The following SPATA13 variants were observed in gnomAD, a reference collection of about 807,000 sequenced individuals.
The protein encoded by SPATA13 is spermatogenesis associated 13, also known as spermatogenesis-associated protein 13.
In SPATA13, 50 loss-of-function variants were observed where a neutral mutation model predicts 104.0. The observed-to-expected ratio is 0.48, with a 90% CI of 0.38 to 0.61. SPATA13 has a LOEUF of 0.61. Ranked by LOEUF, SPATA13 falls within the 20% of genes least tolerant of loss-of-function variation. The pLI, the probability that SPATA13 is intolerant of heterozygous loss-of-function variation, is 0.00. For missense variants in SPATA13, 1,524 were observed against 1,690.6 expected, an observed-to-expected ratio of 0.90 and a Z score of 1.73; for synonymous variants, 606 against 667.5, an observed-to-expected ratio of 0.91 and a Z score of 1.42.
chr13:24,278,806 T>A (rs1163212370), intron 4 of SPATA13: 1 of 1,599,368 alleles, frequency 6.3e-7, no homozygotes, highest in African/African-American at 1.4e-5. Flanking sequence ...AAAATGTGCA[T>A]CGCTATCATT....
At chr13:24,056,813 G>A (rs189115380) in intron 3 of SPATA13, among the ~76,000 whole-genome samples, 8 of 152,208 alleles carry the variant, frequency 5.3e-5, no homozygotes, top group African/African-American at 1.4e-4. Flanking sequence ...CAAGCTGATC[G>A]GGCCACAGGT....
In SPATA13 at chr13:24,243,850, C is replaced by A. The variant is rs149794439; in HGVS notation, c.1654-5627C>A. The stretch of plus-strand genomic sequence containing the variant: ...GGGGTTAGCTTATTGTATTTATATA[C>A]ATCTTCAAAAAACTTTTGGTATGCC... On this transcript the variant is annotated intron_variant, in intron 2 of 12. Coordinates refer to ENST00000382108, the MANE Select transcript of SPATA13 (RefSeq NM_001166271.3). 3.3e-3 allele frequency among the ~76,000 whole-genome samples: 500 copies of A among 152,278 alleles called. 3 individuals carry two copies. The highest frequency in any genetic ancestry group is 5.5e-3 in the Non-Finnish European group (376 of 68,006).
chr13:24,108,668 G>A (rs1478884838), intron 3 of SPATA13, among the ~76,000 whole-genome samples: 1 of 152,138 alleles, frequency 6.6e-6, no homozygotes, highest in Non-Finnish European at 1.5e-5. Context: ...GTAGGGGGGG[G>A]GAAGCCTGAT....
At position 24,278,545 on chromosome 13, in the gene SPATA13, T is replaced by C. The variant is rs183273627; in HGVS notation, c.2165-5590T>C. 16 of 1,136,396 alleles carry C rather than the reference T, an allele frequency of 1.4e-5. No individual in the cohort carries two copies. The African/African-American group carries it at 2.3e-4, about 16-fold the overall frequency. 70.4% of individuals were successfully genotyped at this position (1,136,396 alleles called of 1,614,324 possible). A position where few individuals can be genotyped will look rare whatever the true frequency, so the allele number is the denominator to read the frequency against. The stretch of plus-strand genomic sequence containing the variant: ...CTCCTGCCTCAGTCTTCCAAAGTGC[T>C]GGGATTACAAGCATGAGCTACCACG... On this transcript the variant is annotated intron_variant, in intron 4 of 12. Transcript: ENST00000382108.
At chr13:24,092,641 A>T (rs1042047601) in intron 3 of SPATA13, among the ~76,000 whole-genome samples, 4 of 152,228 alleles carry the variant, frequency 2.6e-5, no homozygotes, top group African/African-American at 7.2e-5. Flanking sequence ...TCTATACAAG[A>T]GAATATTTTC....
intron 3 of SPATA13, among the ~76,000 whole-genome samples, chr13:24,149,363 G>A (rs771531106): frequency 5.3e-5 from 8 of 152,200 alleles, no homozygotes; most frequent in Non-Finnish European, 1.0e-4. Context: ...ATGTGAGATC[G>A]TGGGGGTGAA....
At chr13:24,278,648 C>G (rs1875196293) in intron 4 of SPATA13, 1 of 1,492,506 alleles carries the variant, frequency 6.7e-7, no homozygotes, top group Non-Finnish European at 8.9e-7. Flanking sequence ...ACTTGAGGCT[C>G]AAAGCACACC....
At chr13:24,204,514 T>C (rs886649251) in intron 1 of SPATA13, among the ~76,000 whole-genome samples, 2 of 152,208 alleles carry the variant, frequency 1.3e-5, no homozygotes, top group African/African-American at 2.4e-5. Flanking sequence ...GATATTAATA[T>C]GGTTGTGCAA....
intron 1 of SPATA13, among the ~76,000 whole-genome samples, chr13:24,182,196 G>A (rs1216463972): frequency 6.6e-6 from 1 of 152,190 alleles, no homozygotes; most frequent in Non-Finnish European, 1.5e-5. Flanking sequence ...CTGAGGCTTA[G>A]AAGCAGGAAA....
chr13:24,203,350 A>G (rs1870530872), intron 1 of SPATA13, among the ~76,000 whole-genome samples: 1 of 152,180 alleles, frequency 6.6e-6, no homozygotes. Flanking sequence ...GGGAAGAAAT[A>G]CTGATAATAT....
At chr13:24,027,803 AC>A (rs2137710720) in intron 3 of SPATA13, among the ~76,000 whole-genome samples, 1 of 152,284 alleles carries the variant, frequency 6.6e-6, no homozygotes, top group Non-Finnish European at 1.5e-5. Context: ...TAGTATATGC[AC>A]GGATCTTAGA....
chr13:24,184,005 A>G (rs145017381), intron 1 of SPATA13, among the ~76,000 whole-genome samples: 25 of 152,280 alleles, frequency 1.6e-4, no homozygotes, highest in African/African-American at 6.0e-4. Context: ...TGAAACACAC[A>G]GGAAGTGGCG....
intron 1 of SPATA13, among the ~76,000 whole-genome samples, chr13:24,179,406 G>A (rs1868651088): frequency 6.6e-6 from 1 of 152,052 alleles, no homozygotes; most frequent in Admixed American, 6.6e-5. Context: ...CTATGTATGG[G>A]GGCTCCAGTT....
chr13:24,212,031 C>T lies in SPATA13; in HGVS notation c.-111-10788C>T, dbSNP rs995109351. On this transcript the variant is annotated intron_variant, in intron 1 of 12. Coordinates refer to ENST00000382108, the MANE Select transcript of SPATA13 (RefSeq NM_001166271.3). Reference sequence around the variant, plus strand: ...CGCCATTCCCCTACTAGTGTGTCTACCCCAGTTCCACTCAGACACGAGGGA... The same window carrying T: ...CGCCATTCCCCTACTAGTGTGTCTATCCCAGTTCCACTCAGACACGAGGGA... Among the ~76,000 whole-genome samples the T allele has an allele frequency of 2.6e-5, 4 of 152,272 alleles. No individual in the cohort carries two copies. The Middle Eastern group carries it at 0.01, about 388-fold the overall frequency.
intron 2 of SPATA13, among the ~76,000 whole-genome samples, chr13:24,008,231 C>G (rs1200240302): frequency 1.3e-5 from 2 of 152,234 alleles, no homozygotes; most frequent in Non-Finnish European, 2.9e-5. Flanking sequence ...GATGATCAGA[C>G]CAGGTTATCT....
At position 24,051,901 on chromosome 13, in the gene SPATA13, C is replaced by G. The variant is rs904006633; in HGVS notation, c.-112+34200C>G. On this transcript the variant is annotated intron_variant, in intron 3 of 14. Transcript: ENST00000424834. This position sits in a 1 kb window ranked among gnomAD's most constrained non-coding sequence, Gnocchi z 4.2. ...TCCTAGGAGTTCCCCGGCACCTGTT[C>G]CTCCTCCTCAGCCCCGGCCCACCCC... 6.6e-6 allele frequency among the ~76,000 whole-genome samples: 1 copy of G among 152,140 alleles called. No homozygotes were observed. The highest frequency in any genetic ancestry group is 1.5e-5 in the Non-Finnish European group (1 of 68,002).
At chr13:24,256,533 T>C (rs112169517) in intron 4 of SPATA13, among the ~76,000 whole-genome samples, 2,321 of 152,312 alleles carry the variant, frequency 0.015, 56 homozygotes, top group Admixed American at 0.047. Context: ...TAAATTTTTC[T>C]CAAAATATAG....
intron 3 of SPATA13, among the ~76,000 whole-genome samples, chr13:24,068,389 TAGG>T (rs1277026717): frequency 2.0e-5 from 3 of 152,182 alleles, no homozygotes; most frequent in African/African-American, 7.2e-5. Context: ...CCAATCTGTC[TAGG>T]TTGATTCCAT....
chr13:24,138,366 T>C (rs893015748), intron 3 of SPATA13, among the ~76,000 whole-genome samples: 4 of 152,058 alleles, frequency 2.6e-5, no homozygotes, highest in African/African-American at 9.7e-5. Context: ...TTGTGAAGCT[T>C]GTACAAATTC....
Sources: allele counts gnomAD v4.1 joint callset (sites outside exome capture counted in the v4.1 genomes callset), GRCh38; gene constraint gnomAD v4.1.1; non-coding constraint Gnocchi (gnomAD v3.1); transcripts MANE v1.5; gene names NCBI Gene and HGNC (gene_info 2026-07-23, HGNC 2026-07-21).